The following PCDHGA9 variants were observed in gnomAD, a reference collection of about 807,000 sequenced individuals.
PCDHGA9 encodes the protein protocadherin gamma subfamily A, 9, also known as protocadherin gamma-A9.
PCDHGA9 carries 37 observed loss-of-function variants against 62.5 expected under a neutral mutation model. The observed-to-expected ratio is 0.59, with a 90% confidence interval of 0.46 to 0.78. The LOEUF is 0.78. PCDHGA9 is among the 30% of genes least tolerant of loss of function. The pLI, the probability that PCDHGA9 is intolerant of heterozygous loss-of-function variation, is 0.00. For synonymous variants in PCDHGA9, 459 were observed against 484.6 expected (o/e 0.95, Z 0.69); for missense variants, 1,138 against 1,166.2 (o/e 0.98, Z 0.35).
Position 141,485,954 on chromosome 5 carries a change from C to T in PCDHGA9, c.2425-8853C>T, listed in dbSNP as rs2154580519. The T allele has an allele frequency of 6.2e-7, 1 of 1,614,190 alleles. No individual in the cohort carries two copies. The highest frequency in any genetic ancestry group is 8.5e-7 in the Non-Finnish European group (1 of 1,180,038). ...GGAGAGCGCACCAGCGGGCATGGTG[C>T]TCATCCAGCTCAATGCCTCAGACCC... On this transcript the variant is annotated intron_variant, in intron 1 of 3. Coordinates refer to ENST00000573521, the MANE Select transcript of PCDHGA9 (RefSeq NM_018921.3). The surrounding 1 kb of genome is among the most constrained non-coding windows in gnomAD (Gnocchi z 5.7).
chr5:141,484,716 G>C (rs1375103858), intron 1 of PCDHGA9, among the ~76,000 whole-genome samples: 1 of 152,030 alleles, frequency 6.6e-6, no homozygotes, highest in African/African-American at 2.4e-5. Context: ...CGCCGAAAAG[G>C]GGCGGGGTCA....
At position 141,477,795 on chromosome 5, in the gene PCDHGA9, G is replaced by T. The variant is rs778851755; in HGVS notation, c.2425-17012G>T. The T allele has an allele frequency of 1.2e-5, 19 of 1,613,946 alleles. 1 individual carries two copies. In the South Asian group the frequency reaches 1.6e-4, roughly 14 times the overall value. On this transcript the variant is annotated intron_variant, in intron 1 of 3. Transcript: ENST00000573521. The surrounding 1 kb of genome is among the most constrained non-coding windows in gnomAD (Gnocchi z 4.9). ...AGCGTGAACATATTTGTCACTGATC[G>T]CAATGACAATGCCCCCCAGGTCCTA...
Position 141,486,453 on chromosome 5 carries a change from C to T in PCDHGA9, c.2425-8354C>T, listed in dbSNP as rs776820667. 6.2e-6 allele frequency: 10 copies of T among 1,614,114 alleles called. No homozygotes were observed. The highest frequency in any genetic ancestry group is 1.1e-5 in the South Asian group (1 of 91,082). On this transcript the variant is annotated intron_variant, in intron 1 of 3. Transcript: ENST00000573521. The surrounding 1 kb of genome is among the most constrained non-coding windows in gnomAD (Gnocchi z 5.0). ...TCTAGCTATGACATCATGGTCACTGCTTCTGATGCTGGGAACCCTCCTCTC... is the reference window on the plus strand; with the variant it reads ...TCTAGCTATGACATCATGGTCACTGTTTCTGATGCTGGGAACCCTCCTCTC...
At position 141,459,716 on chromosome 5, in the gene PCDHGA9, C is replaced by T. The variant is rs1592633942; in HGVS notation, c.2425-35091C>T. On this transcript the variant is annotated intron_variant, in intron 1 of 3. Coordinates refer to ENST00000573521, the MANE Select transcript of PCDHGA9 (RefSeq NM_018921.3). ...CGCTTGCTACATTTTCTCACCAATG[C>T]TTCCTATTGTCAATTTTTTAAATTT... is the stretch of plus-strand genomic sequence containing the variant. Among the ~76,000 whole-genome samples the T allele has an allele frequency of 2.0e-5, 3 of 152,334 alleles. No homozygotes were observed. In the South Asian group the frequency reaches 6.2e-4, roughly 32 times the overall value.
At chr5:141,466,180 A>AT (rs922532578) in intron 1 of PCDHGA9, among the ~76,000 whole-genome samples, 11 of 151,256 alleles carry the variant, frequency 7.3e-5, no homozygotes, top group South Asian at 2.1e-4. Context: ...TTTTATTTTT[A>AT]TTTTTTTTCA....
At chr5:141,462,503 A>G (rs1338834436) in intron 1 of PCDHGA9, among the ~76,000 whole-genome samples, 1 of 152,060 alleles carries the variant, frequency 6.6e-6, no homozygotes, top group East Asian at 1.9e-4. Context: ...ATAATTGTCA[A>G]CTAGATCAAG....
At position 141,418,815 on chromosome 5, in the gene PCDHGA9, T is replaced by C. The variant is rs368396202; in HGVS notation, c.2424+13439T>C. The stretch of plus-strand genomic sequence containing the variant: ...GAAGTAGAAAGATATACGATAAACA[T>C]AGAAGCAAAAGACCGAGGATCTCTC... On this transcript the variant is annotated intron_variant, in intron 1 of 3. Transcript: ENST00000573521. 509 of 1,613,744 alleles carry C rather than the reference T, an allele frequency of 3.2e-4. No homozygotes were observed. The highest frequency in any genetic ancestry group is 4.1e-4 in the Non-Finnish European group (488 of 1,179,804).
chr5:141,485,922 G>C lies in PCDHGA9; in HGVS notation c.2425-8885G>C. 6.2e-7 allele frequency: 1 copy of C among 1,614,170 alleles called. No individual in the cohort carries two copies. The highest frequency in any genetic ancestry group is 8.5e-7 in the Non-Finnish European group (1 of 1,180,036). On this transcript the variant is annotated intron_variant, in intron 1 of 3. Transcript: ENST00000573521. This position sits in a 1 kb window ranked among gnomAD's most constrained non-coding sequence, Gnocchi z 5.7. The stretch of plus-strand genomic sequence containing the variant: ...TTCCAGCAATCCAGCTACAGGATTA[G>C]TGTGTTGGAGAGCGCACCAGCGGGC...
intron 1 of PCDHGA9, among the ~76,000 whole-genome samples, chr5:141,461,376 T>C (rs2099014225): frequency 6.6e-6 from 1 of 152,184 alleles, no homozygotes; most frequent in South Asian, 2.1e-4. Context: ...AATTTGCATT[T>C]TCCTGATGAT....
Position 141,403,119 on chromosome 5 carries a change from C to T in PCDHGA9, c.167C>T (p.Pro56Leu). 1 of 1,614,060 alleles carries T rather than the reference C, an allele frequency of 6.2e-7. No homozygotes were observed. The highest frequency in any genetic ancestry group is 8.5e-7 in the Non-Finnish European group (1 of 1,179,914). ...GNISKDLALEPRELAERRVRI... is the reference protein window; with the variant it reads ...GNISKDLALELRELAERRVRI... Reference sequence around the variant, plus strand: ...ATCTCCAAGGACCTGGCTCTGGAGCCCCGGGAGCTGGCGGAGCGCCGAGTC... The same window carrying T: ...ATCTCCAAGGACCTGGCTCTGGAGCTCCGGGAGCTGGCGGAGCGCCGAGTC... Residue 56 changes from proline to leucine, a missense_variant, in exon 1 of 4, where the codon CCC becomes CTC. Coordinates refer to ENST00000573521, the MANE Select transcript of PCDHGA9 (RefSeq NM_018921.3).
intron 1 of PCDHGA9, chr5:141,410,288 T>G: frequency 6.2e-7 from 1 of 1,614,044 alleles, no homozygotes; most frequent in Non-Finnish European, 8.5e-7. Context: ...GGTGGTGGCC[T>G]TGGCCTTAAT....
At position 141,503,509 on chromosome 5, in the gene PCDHGA9, G is replaced by A. The variant is rs373282648; in HGVS notation, c.2484-1884G>A. ...AGCTGCTCAAGAGGCTGAGGCAGGA[G>A]AATCACTTGAACCTGGGAGGCAGAG... On this transcript the variant is annotated intron_variant, in intron 2 of 3. Transcript: ENST00000573521. Among the ~76,000 whole-genome samples the A allele has an allele frequency of 9.4e-5, 14 of 149,410 alleles. No individual in the cohort carries two copies. The South Asian group carries it at 1.5e-3, about 16-fold the overall frequency.
At chr5:141,501,298 C>CAG (rs2099807427) in intron 2 of PCDHGA9, among the ~76,000 whole-genome samples, 1 of 148,330 alleles carries the variant, frequency 6.7e-6, no homozygotes, top group Non-Finnish European at 1.5e-5. Context: ...TATACACACA[C>CAG]ACACACACAC....
rs776990176 is a variant in PCDHGA9 at position 141,485,136 on chromosome 5, C to A, written c.2425-9671C>A. ...GTTTGGGGCGGGTCGGCTTCATCCG[C>A]GTCTCAGGAGCAAGTAGAGAATTAG... On this transcript the variant is annotated intron_variant, in intron 1 of 3. Transcript: ENST00000573521. The surrounding 1 kb of genome is among the most constrained non-coding windows in gnomAD (Gnocchi z 5.7). The A allele has an allele frequency of 4.0e-6, 6 of 1,502,706 alleles. No individual in the cohort carries two copies. The South Asian group carries it at 5.9e-5, about 15-fold the overall frequency. The allele number at this position is 1,502,706 out of a possible 1,614,324, so 93.1% of individuals were successfully genotyped here.
intron 1 of PCDHGA9, chr5:141,418,840 C>T: frequency 6.2e-7 from 1 of 1,614,006 alleles, no homozygotes; most frequent in Middle Eastern, 1.6e-4. Context: ...GAGGATCTCT[C>T]TCAACACGGT....
intron 1 of PCDHGA9, among the ~76,000 whole-genome samples, chr5:141,425,189 T>C (rs1042702500): frequency 2.6e-5 from 4 of 152,116 alleles, no homozygotes; most frequent in African/African-American, 7.2e-5. Flanking sequence ...AATTCCAAAC[T>C]GAGAAAAATG....
chr5:141,403,627 A>G lies in PCDHGA9; in HGVS notation c.675A>G (p.Thr225=), dbSNP rs1187522360. The part of the protein sequence containing the change: ...SDGGEPRRSS[T]VRIHVTVLDT... ...GCGGCGAGCCGCGTCGCTCCAGCAC[A>G]GTGCGCATCCATGTGACAGTGTTGG... The change falls in exon 1 of 4, where the codon ACA becomes ACG. Residue 225 remains threonine (T), a synonymous_variant. Coordinates refer to ENST00000573521, the MANE Select transcript of PCDHGA9 (RefSeq NM_018921.3). 4 of 1,613,922 alleles carry G rather than the reference A, an allele frequency of 2.5e-6. No individual in the cohort carries two copies. The East Asian group carries it at 8.9e-5, about 36-fold the overall frequency.
rs779065098 is a variant in PCDHGA9 at position 141,491,758 on chromosome 5, C to T, written c.2425-3049C>T. 1.8e-5 allele frequency: 29 copies of T among 1,578,670 alleles called. No homozygotes were observed. Among genetic ancestry groups the T allele is most frequent in the Non-Finnish European group, 2.2e-5 (26 of 1,163,530 alleles). ...TGGGGGCGGCACTGGAGAAGCCGCC[C>T]GTCCTCATAAGGGATTGAACTTGCA... On this transcript the variant is annotated intron_variant, in intron 1 of 3. Transcript: ENST00000573521. The surrounding 1 kb of genome is among the most constrained non-coding windows in gnomAD (Gnocchi z 6.9).
intron 1 of PCDHGA9, chr5:141,410,555 C>T (rs768561351): frequency 1.9e-6 from 3 of 1,613,084 alleles, no homozygotes; most frequent in Middle Eastern, 1.6e-4. Context: ...CAGTGTTTCT[C>T]CTGGAGCCTT....
Sources: gnomAD v4.1 joint callset for allele counts (sites outside exome capture counted in the v4.1 genomes callset) on GRCh38, gnomAD v4.1.1 for gene constraint, Gnocchi (gnomAD v3.1) non-coding constraint, MANE v1.5 for transcripts, NCBI Gene and HGNC (gene_info 2026-07-23, HGNC 2026-07-21) for gene names.